The following GALNT18 variants were observed in gnomAD, a reference collection of about 807,000 sequenced individuals.
GALNT18 encodes GalNAc-transferase 18.
A neutral mutation model predicts 69.5 loss-of-function variants in GALNT18; 44 were observed. The observed-to-expected ratio is 0.63, with a 90% CI of 0.50 to 0.81. The LOEUF (loss-of-function observed/expected upper bound fraction) is 0.81, where lower values mean the gene tolerates loss of function less well. GALNT18 is among the 40% of genes least tolerant of loss of function. The pLI, the probability that GALNT18 is intolerant of heterozygous loss-of-function variation, is 0.00. For synonymous variants in GALNT18, 364 were observed against 318.2 expected (o/e 1.14, Z -1.53); for missense variants, 715 against 810.0 (o/e 0.88, Z 1.42).
intron 9 of GALNT18, among the ~76,000 whole-genome samples, chr11:11,313,700 AC>A (rs1849704933): frequency 6.6e-6 from 1 of 152,158 alleles, no homozygotes; most frequent in Non-Finnish European, 1.5e-5. Context: ...TGGGTTCCAA[AC>A]CAGGTTCTAC....
At chr11:11,516,871 G>A (rs761060659) in intron 1 of GALNT18, among the ~76,000 whole-genome samples, 13 of 152,180 alleles carry the variant, frequency 8.5e-5, no homozygotes, top group Non-Finnish European at 1.3e-4. Context: ...AGCTGACTGA[G>A]CTGCAATATG....
chr11:11,302,938 C>A (rs1849522639), intron 9 of GALNT18, among the ~76,000 whole-genome samples: 1 of 152,296 alleles, frequency 6.6e-6, no homozygotes, highest in African/African-American at 2.4e-5. Context: ...GGTGACAATC[C>A]CCCTCGGGGC....
chr11:11,442,955 G>T (rs1242593611), intron 2 of GALNT18, among the ~76,000 whole-genome samples: 1 of 152,184 alleles, frequency 6.6e-6, no homozygotes, highest in Non-Finnish European at 1.5e-5. Context: ...CGTGCCAGAG[G>T]CTCTGCCTTG....
intron 1 of GALNT18, among the ~76,000 whole-genome samples, chr11:11,593,825 T>C (rs80296312): frequency 0.023 from 3,538 of 152,294 alleles, 145 homozygotes; most frequent in African/African-American, 0.081. Context: ...AATTGCACTG[T>C]CAAGTTCCAA....
chr11:11,496,701 G>T lies in GALNT18; in HGVS notation c.236-47765C>A, dbSNP rs926853018. On this transcript the variant is annotated intron_variant, in intron 1 of 10. Transcript: ENST00000227756. This position sits in a 1 kb window ranked among gnomAD's most constrained non-coding sequence, Gnocchi z 4.0. Reference sequence around the variant, plus strand: ...AAGCTGATGGGAAACACTGAGCCTCGGTTTCCTTGTGAGGATCCCCCACTA... The same window carrying T: ...AAGCTGATGGGAAACACTGAGCCTCTGTTTCCTTGTGAGGATCCCCCACTA... Among the ~76,000 whole-genome samples the T allele has an allele frequency of 6.6e-6, 1 of 150,950 alleles. No individual in the cohort carries two copies. Among genetic ancestry groups the T allele is most frequent in the Non-Finnish European group, 1.5e-5 (1 of 67,824 alleles).
chr11:11,483,770 TG>T (rs1856584912), intron 1 of GALNT18, among the ~76,000 whole-genome samples: 1 of 152,144 alleles, frequency 6.6e-6, no homozygotes, highest in East Asian at 1.9e-4. Flanking sequence ...GGGCAGGTGA[TG>T]GGGGCTGTGA....
intron 1 of GALNT18, chr11:11,476,228 C>G (rs1856393817): frequency 6.6e-6 from 1 of 152,150 alleles, no homozygotes; most frequent in Middle Eastern, 3.2e-3. Flanking sequence ...TTATGAGTAG[C>G]AGTGAAATTG....
intron 10 of GALNT18, among the ~76,000 whole-genome samples, chr11:11,272,367 C>T (rs985729163): frequency 2.6e-5 from 4 of 152,208 alleles, no homozygotes; most frequent in Admixed American, 2.0e-4. Flanking sequence ...ACTGGGACAA[C>T]TGTGTCAGCT....
chr11:11,272,360 G>A (rs1848845672), intron 10 of GALNT18, among the ~76,000 whole-genome samples: 1 of 152,076 alleles, frequency 6.6e-6, no homozygotes, highest in Non-Finnish European at 1.5e-5. Context: ...TTCTCTCACT[G>A]GGACAACTGT....
At position 11,435,941 on chromosome 11, in the gene GALNT18, C is replaced by G. The variant is rs1349376638; in HGVS notation, c.429-3154G>C. Among the ~76,000 whole-genome samples the G allele has an allele frequency of 6.6e-6, 1 of 152,226 alleles. No individual in the cohort carries two copies. The highest frequency in any genetic ancestry group is 1.5e-5 in the Non-Finnish European group (1 of 68,032). On this transcript the variant is annotated intron_variant, in intron 2 of 10. Coordinates refer to ENST00000227756, the MANE Select transcript of GALNT18 (RefSeq NM_198516.3). The surrounding 1 kb of genome is among the most constrained non-coding windows in gnomAD (Gnocchi z 4.4). ...AACGCCCTGACCTCCTTAAATCCTT[C>G]TTTTCTCTTCTCTCCTGGGACTGCT...
At chr11:11,495,025 G>A (rs1856843229) in intron 1 of GALNT18, among the ~76,000 whole-genome samples, 1 of 150,888 alleles carries the variant, frequency 6.6e-6, no homozygotes, top group Non-Finnish European at 1.5e-5. Context: ...GGGGAAGGTT[G>A]AGGAGTGTCT....
intron 10 of GALNT18, among the ~76,000 whole-genome samples, chr11:11,272,966 TAAA>T (rs1848858829): frequency 6.6e-6 from 1 of 152,072 alleles, no homozygotes; most frequent in Non-Finnish European, 1.5e-5. Context: ...GTCTTTTCAA[TAAA>T]TTGCCTGAGA....
chr11:11,415,380 A>G lies in GALNT18; in HGVS notation c.595+17241T>C, dbSNP rs1474040570. Among the ~76,000 whole-genome samples the G allele has an allele frequency of 6.6e-6, 1 of 152,174 alleles. No homozygotes were observed. The highest frequency in any genetic ancestry group is 1.5e-5 in the Non-Finnish European group (1 of 68,018). Reference sequence around the variant, plus strand: ...TAGAATTCTGCCCACACAGTGATCAATAAATAGTTGCCGAATGAGAAAATA... The same window carrying G: ...TAGAATTCTGCCCACACAGTGATCAGTAAATAGTTGCCGAATGAGAAAATA... On this transcript the variant is annotated intron_variant, in intron 3 of 10. Coordinates refer to ENST00000227756, the MANE Select transcript of GALNT18 (RefSeq NM_198516.3). This position sits in a 1 kb window ranked among gnomAD's most constrained non-coding sequence, Gnocchi z 4.1.
chr11:11,352,151 A>G, intron 6 of GALNT18: 1 of 1,613,378 alleles, frequency 6.2e-7, no homozygotes, highest in African/African-American at 1.3e-5. Flanking sequence ...CAGTGTAGAA[A>G]TAGGGGTGCT....
Position 11,318,005 on chromosome 11 carries a change from A to G in GALNT18, c.1512+9081T>C, listed in dbSNP as rs192317380. ...TTTTTTCTTATTTGTCAGAGATGAC[A>G]TTGACTTAGAAAATATCTAAGTTTT... is the stretch of plus-strand genomic sequence containing the variant. On this transcript the variant is annotated intron_variant, in intron 9 of 10. Transcript: ENST00000227756. The surrounding 1 kb of genome is among the most constrained non-coding windows in gnomAD (Gnocchi z 5.1). 9.3e-4 allele frequency among the ~76,000 whole-genome samples: 142 copies of G among 152,320 alleles called. No individual in the cohort carries two copies. In the Middle Eastern group the frequency reaches 0.014, roughly 15 times the overall value.
At chr11:11,388,345 T>C (rs540579464) in intron 3 of GALNT18, among the ~76,000 whole-genome samples, 2 of 152,156 alleles carry the variant, frequency 1.3e-5, no homozygotes, top group Non-Finnish European at 2.9e-5. Context: ...CTCCCTAAGA[T>C]GTTATATCTT....
At chr11:11,467,472 C>T (rs758262737) in intron 1 of GALNT18, among the ~76,000 whole-genome samples, 1 of 152,218 alleles carries the variant, frequency 6.6e-6, no homozygotes, top group Non-Finnish European at 1.5e-5. Flanking sequence ...GGCGCCATGC[C>T]AGTCTGATGG....
At chr11:11,410,487 A>G (rs138236395) in intron 3 of GALNT18, among the ~76,000 whole-genome samples, 8 of 152,322 alleles carry the variant, frequency 5.3e-5, no homozygotes, top group Non-Finnish European at 7.3e-5. Flanking sequence ...TACTCAAATA[A>G]TAAAGACAGC....
Position 11,574,562 on chromosome 11 carries a change from C to T in GALNT18, c.235+46797G>A, listed in dbSNP as rs150847755. ...TGGGCTTTCATCCACTTAAAGGAAT[C>T]CACAGCATCATGGCCATCATGACGT... On this transcript the variant is annotated intron_variant, in intron 1 of 10. Coordinates refer to ENST00000227756, the MANE Select transcript of GALNT18 (RefSeq NM_198516.3). 4.0e-4 allele frequency among the ~76,000 whole-genome samples: 61 copies of T among 152,324 alleles called. 2 individuals carry two copies. In the East Asian group the frequency reaches 0.01, roughly 26 times the overall value.
Sources: allele counts gnomAD v4.1 joint callset (sites outside exome capture counted in the v4.1 genomes callset), GRCh38; gene constraint gnomAD v4.1.1; non-coding constraint Gnocchi (gnomAD v3.1); transcripts MANE v1.5; gene names NCBI Gene and HGNC (gene_info 2026-07-23, HGNC 2026-07-21).